Variants in RAB2A observed in about 807,000 individuals in gnomAD.
The protein encoded by RAB2A is RAB2A, member RAS oncogene family.
A neutral mutation model predicts 32.5 loss-of-function variants in RAB2A; 7 were observed. That is an observed-to-expected ratio of 0.22 (90% CI 0.12 to 0.40). The LOEUF (loss-of-function observed/expected upper bound fraction) is 0.40. Among genes scored for constraint, RAB2A ranks in the 10% least tolerant of loss-of-function variants. The pLI is 1.00. For synonymous variants in RAB2A, 79 were observed against 85.2 expected, an observed-to-expected ratio of 0.93 and a Z score of 0.40; for missense variants, 108 against 260.7, an observed-to-expected ratio of 0.41 and a Z score of 4.03.
At chr8:60,517,444 G>C (rs1285708820) in intron 1 of RAB2A, among the ~76,000 whole-genome samples, 191 bp downstream of exon 1, 1 of 152,188 alleles carries the variant, frequency 6.6e-6, no homozygotes, top group Non-Finnish European at 1.5e-5. Flanking sequence ...GCCAGGCCCG[G>C]TCTGCGGCCC....
intron 1 of RAB2A, among the ~76,000 whole-genome samples, chr8:60,547,389 C>T (rs1379836173): frequency 6.6e-6 from 1 of 152,226 alleles, no homozygotes; most frequent in African/African-American, 2.4e-5. Flanking sequence ...GTCATCATGG[C>T]CCGTTCTCAA....
intron 6 of RAB2A, among the ~76,000 whole-genome samples, chr8:60,606,848 G>C (rs1804240276): frequency 6.6e-6 from 1 of 152,250 alleles, no homozygotes; most frequent in Admixed American, 6.5e-5. Context: ...GCCGTGGCCT[G>C]ACCTACAAAA....
At chr8:60,530,827 AG>A (rs1049788776) in intron 1 of RAB2A, among the ~76,000 whole-genome samples, 5 of 152,220 alleles carry the variant, frequency 3.3e-5, no homozygotes, top group African/African-American at 1.2e-4. Context: ...TTTTGGGTTT[AG>A]ACGGGCACAT....
chr8:60,525,989 A>G lies in RAB2A; in HGVS notation c.46+8736A>G, dbSNP rs188256735. 7.7e-4 allele frequency among the ~76,000 whole-genome samples: 111 copies of G among 143,416 alleles called. 2 individuals carry two copies. The East Asian group carries it at 0.014, about 19-fold the overall frequency. 94.1% of individuals were successfully genotyped at this position (143,416 alleles called of 152,430 possible). ...TATATGTCTATATGTCTATATGTAT[A>G]TATGTCTATATGTATATATGTGTGT... On this transcript the variant is annotated intron_variant, in intron 1 of 7. Transcript: ENST00000262646.
chr8:60,575,734 C>T (rs1480150076), intron 3 of RAB2A, among the ~76,000 whole-genome samples: 2 of 150,074 alleles, frequency 1.3e-5, no homozygotes, highest in African/African-American at 2.5e-5. Flanking sequence ...CTCAGCTCAC[C>T]GCAACCTCCG....
intron 3 of RAB2A, among the ~76,000 whole-genome samples, chr8:60,577,415 G>T (rs1163140873): frequency 2.6e-5 from 4 of 152,010 alleles, no homozygotes; most frequent in Non-Finnish European, 5.9e-5. Context: ...TTTTTTCTAG[G>T]TATTTCCACC....
In RAB2A at chr8:60,622,652, A is replaced by G. The variant is rs548493450; in HGVS notation, c.*1883A>G. 2 of 152,310 alleles carry G rather than the reference A, an allele frequency of 1.3e-5. No individual in the cohort carries two copies. Among genetic ancestry groups the G allele is most frequent in the South Asian group, 4.1e-4 (2 of 4,832 alleles). The allele number at this position is 152,310 out of a possible 1,614,324, so 9.4% of individuals were successfully genotyped here. A position where few individuals can be genotyped will look rare whatever the true frequency, so the allele number is the denominator to read the frequency against. ...CAGAAGTTTAGTGCGTTTCTTTTCC[A>G]TACTTTCTCCCCTAATTCTTTTATT... On this transcript the variant is annotated 3_prime_UTR_variant, in exon 8 of 8. Coordinates refer to ENST00000262646, the MANE Select transcript of RAB2A (RefSeq NM_002865.3).
At chr8:60,598,937 CAAAAAAAAAAAAAAA>C (rs56406651) in intron 6 of RAB2A, among the ~76,000 whole-genome samples, 3 of 40,368 alleles carry the variant, frequency 7.4e-5, no homozygotes, top group East Asian at 1.7e-3. Context: ...TGCAGTAAAG[CAAAAAAAAAAAAAAA>C]AAAAAAAAAA....
intron 6 of RAB2A, among the ~76,000 whole-genome samples, chr8:60,608,121 G>T (rs947766894): frequency 2.3e-5 from 3 of 132,744 alleles, no homozygotes; most frequent in African/African-American, 6.2e-5. Flanking sequence ...GTTTGTTTTG[G>T]TATTTATTTT....
intron 1 of RAB2A, among the ~76,000 whole-genome samples, chr8:60,549,423 C>G (rs1000760281): frequency 6.6e-6 from 1 of 151,444 alleles, no homozygotes; most frequent in African/African-American, 2.4e-5. Context: ...GGATCACTCG[C>G]GGTTAGGAGC....
rs909283142 is a variant in RAB2A at position 60,549,129 on chromosome 8, G to A, written c.47-9723G>A. Among the ~76,000 whole-genome samples, 7 of 150,946 alleles carry A rather than the reference G, an allele frequency of 4.6e-5. No individual in the cohort carries two copies. The South Asian group carries it at 1.1e-3, about 23-fold the overall frequency. On this transcript the variant is annotated intron_variant, in intron 1 of 7. Transcript: ENST00000262646. ...TCACTTCCTAGATGGGATGGCGGCC[G>A]GGCAGAGACGCTCCTCACTTTCCAG...
intron 6 of RAB2A, among the ~76,000 whole-genome samples, chr8:60,600,665 G>T (rs1201153021): frequency 6.6e-6 from 1 of 152,176 alleles, no homozygotes; most frequent in Non-Finnish European, 1.5e-5. Context: ...GAGACATTGG[G>T]TTGAAGGACA....
At chr8:60,602,279 G>A (rs1804147181) in intron 6 of RAB2A, among the ~76,000 whole-genome samples, 1 of 152,026 alleles carries the variant, frequency 6.6e-6, no homozygotes, top group Admixed American at 6.6e-5. Context: ...TAGACATTTT[G>A]AGTCTTATAT....
intron 3 of RAB2A, among the ~76,000 whole-genome samples, chr8:60,580,259 T>A (rs1429710647): frequency 6.6e-6 from 1 of 152,182 alleles, no homozygotes; most frequent in Admixed American, 6.5e-5. Flanking sequence ...CCTCCCAAAG[T>A]GCTGAGATTA....
intron 1 of RAB2A, among the ~76,000 whole-genome samples, chr8:60,517,916 G>C (rs991049468): frequency 3.9e-5 from 6 of 152,102 alleles, no homozygotes; most frequent in Non-Finnish European, 4.4e-5. Flanking sequence ...AAGCATGAAC[G>C]AGTTCTGTGG....
chr8:60,589,761 T>C (rs1166373795), intron 5 of RAB2A, among the ~76,000 whole-genome samples: 4 of 152,164 alleles, frequency 2.6e-5, no homozygotes, highest in Non-Finnish European at 5.9e-5. Context: ...AAGTATATCG[T>C]CAAGTACTAT....
chr8:60,518,654 T>A (rs191587063), intron 1 of RAB2A, among the ~76,000 whole-genome samples: 2 of 146,332 alleles, frequency 1.4e-5, no homozygotes, highest in African/African-American at 5.1e-5. Flanking sequence ...AAGAAAAAAT[T>A]TCTGCTAGAT....
rs539658273 is a variant in RAB2A at position 60,571,682 on chromosome 8, T to C, written c.119-364T>C. The stretch of plus-strand genomic sequence containing the variant: ...ATCCCTTTTAGTGTTTTTTATACCA[T>C]ATTAATGTAATTTTTAAGAAATTTT... On this transcript the variant is annotated intron_variant, in intron 2 of 7. Coordinates refer to ENST00000262646, the MANE Select transcript of RAB2A (RefSeq NM_002865.3). Among the ~76,000 whole-genome samples the C allele has an allele frequency of 1.4e-4, 21 of 152,312 alleles. No individual in the cohort carries two copies. In the East Asian group the frequency reaches 3.9e-3, roughly 28 times the overall value.
intron 3 of RAB2A, among the ~76,000 whole-genome samples, chr8:60,582,852 G>A (rs770071140): frequency 2.0e-5 from 3 of 152,096 alleles, no homozygotes; most frequent in Non-Finnish European, 2.9e-5. Context: ...TGGAACACTA[G>A]GCATAAATGG....
Sources: allele counts gnomAD v4.1 joint callset (sites outside exome capture counted in the v4.1 genomes callset), GRCh38; gene constraint gnomAD v4.1.1; transcripts MANE v1.5; gene names NCBI Gene and HGNC (gene_info 2026-07-23, HGNC 2026-07-21).